Variants in OTULINL observed in about 807,000 individuals in gnomAD.
OTULINL encodes OTU deubiquitinase with linear linkage specificity like, also known as inactive ubiquitin thioesterase OTULINL.
Under a neutral mutation model 43.9 loss-of-function variants are expected in OTULINL, and 42 were observed. The observed-to-expected ratio is 0.96, with a 90% confidence interval of 0.75 to 1.24. The LOEUF (loss-of-function observed/expected upper bound fraction) is 1.24. Among genes scored for constraint, OTULINL ranks in the 50% most tolerant of loss-of-function variants. The pLI is 0.00. For synonymous variants in OTULINL, 172 were observed against 153.6 expected (o/e 1.12, Z -0.88); for missense variants, 411 against 426.4 (o/e 0.96, Z 0.32).
rs536258500 is a variant in OTULINL at position 14,612,991 on chromosome 5, C to T, written c.*2677C>T. On this transcript the variant is annotated 3_prime_UTR_variant, in exon 8 of 8. Coordinates refer to ENST00000274217, the MANE Select transcript of OTULINL (RefSeq NM_019018.3). The stretch of plus-strand genomic sequence containing the variant: ...AGGCTGCAGTGCAGTGGCACAATCT[C>T]GGCTCACTGCAACCTCTACCTCCCA... Among the ~76,000 whole-genome samples the T allele has an allele frequency of 9.5e-4, 144 of 152,194 alleles. No homozygotes were observed. Among genetic ancestry groups the T allele is most frequent in the African/African-American group, 3.0e-3 (126 of 41,500 alleles).
rs927404863 is a variant in OTULINL at position 14,613,950 on chromosome 5, A to G, written c.*3636A>G. Among the ~76,000 whole-genome samples the G allele has an allele frequency of 1.3e-5, 2 of 152,210 alleles. No individual in the cohort carries two copies. The highest frequency in any genetic ancestry group is 2.9e-5 in the Non-Finnish European group (2 of 68,014). On this transcript the variant is annotated 3_prime_UTR_variant, in exon 8 of 8. Coordinates refer to ENST00000274217, the MANE Select transcript of OTULINL (RefSeq NM_019018.3). ...GTGAGACCAAAGAAAGACAATTTTA[A>G]TTGTGTCCAAGCTGACTTTTTTGAA...
At chr5:14,609,079 A>G in intron 7 of OTULINL, 62 bp downstream of exon 7, 2 of 1,543,712 alleles carry the variant, frequency 1.3e-6, no homozygotes, top group Non-Finnish European at 1.8e-6. Flanking sequence ...ATTTGAACAC[A>G]GAGGTGTCTG....
At chr5:14,598,746 A>G (rs1759335282) in intron 1 of OTULINL, among the ~76,000 whole-genome samples, 1 of 152,226 alleles carries the variant, frequency 6.6e-6, no homozygotes, top group South Asian at 2.1e-4. Context: ...CATTTAGGAC[A>G]GTTTATACTG....
chr5:14,600,644 A>G (rs1759367729), intron 1 of OTULINL, among the ~76,000 whole-genome samples: 1 of 152,206 alleles, frequency 6.6e-6, no homozygotes, highest in African/African-American at 2.4e-5. Context: ...TTAGGTTGCC[A>G]TAGTCACACA....
chr5:14,596,667 A>C (rs191775920), intron 1 of OTULINL, among the ~76,000 whole-genome samples: 58 of 152,304 alleles, frequency 3.8e-4, no homozygotes, highest in Non-Finnish European at 8.8e-5. Context: ...AACTTCTGGC[A>C]TCATGTTTTT....
At chr5:14,591,215 G>A (rs532840136) in intron 1 of OTULINL, among the ~76,000 whole-genome samples, 1 of 152,284 alleles carries the variant, frequency 6.6e-6, no homozygotes, top group Non-Finnish European at 1.5e-5. Flanking sequence ...TCCTGCCTGG[G>A]TCTAAAGATC....
intron 1 of OTULINL, 42 bp downstream of exon 1, chr5:14,582,000 A>G: frequency 8.2e-7 from 1 of 1,216,648 alleles, no homozygotes. Flanking sequence ...GGGCGCGAGC[A>G]GGGACCGTCA....
chr5:14,581,972 C>CGGGCG lies in OTULINL; in HGVS notation c.64+28_64+32dup, dbSNP rs1013655166. ...CTCCCGCCGCAGGTGAGCCTGGGGC[C>CGGGCG]GGGCGGGGCGGGGCGGGGGGCGCGA... On this transcript the variant is annotated intron_variant, in intron 1 of 7. Coordinates refer to ENST00000274217, the MANE Select transcript of OTULINL (RefSeq NM_019018.3). The CGGGCG allele has an allele frequency of 4.5e-4, 294 of 656,404 alleles. No homozygotes were observed. Among genetic ancestry groups the CGGGCG allele is most frequent in the African/African-American group, 3.2e-3 (170 of 52,466 alleles). 40.7% of individuals were successfully genotyped at this position (656,404 alleles called of 1,614,324 possible).
rs1452780783 is a variant in OTULINL at position 14,610,270 on chromosome 5, C to T, written c.1027C>T (p.Leu343=). 4.3e-6 allele frequency: 7 copies of T among 1,613,568 alleles called. No individual in the cohort carries two copies. Among genetic ancestry groups the T allele is most frequent in the African/African-American group, 4.0e-5 (3 of 74,896 alleles). The change falls in exon 8 of 8, where the codon CTG becomes TTG. Residue 343 remains leucine, a synonymous_variant. Transcript: ENST00000274217. Reference sequence around the variant, plus strand: ...TCTCAGGGACTGGCCGGAGATCTCCCTGCTGACCGAGAACGACCGCCACTA... The same window carrying T: ...TCTCAGGGACTGGCCGGAGATCTCCTTGCTGACCGAGAACGACCGCCACTA... ...EPLRDWPEIS[L]LTENDRHYHI...
chr5:14,586,787 G>A (rs1283956019), intron 1 of OTULINL, among the ~76,000 whole-genome samples: 2 of 152,086 alleles, frequency 1.3e-5, no homozygotes, highest in African/African-American at 4.8e-5. Flanking sequence ...AGGAGAGGGA[G>A]TGATAATGTA....
intron 5 of OTULINL, among the ~76,000 whole-genome samples, chr5:14,603,174 T>G (rs1759418094): frequency 6.6e-6 from 1 of 152,254 alleles, no homozygotes; most frequent in South Asian, 2.1e-4. Context: ...TTTTTATTGT[T>G]GAGTGGTATT....
At chr5:14,600,836 T>C (rs1759372202) in intron 1 of OTULINL, 129 bp from the exon 2 acceptor site, 4 of 840,960 alleles carry the variant, frequency 4.8e-6, no homozygotes, top group Non-Finnish European at 4.9e-6. Context: ...TTAAAAATAT[T>C]TATGTAAATC....
At position 14,601,130 on chromosome 5, in the gene OTULINL, T is replaced by A; in HGVS notation, c.224+6T>A. 6.2e-7 allele frequency: 1 copy of A among 1,611,562 alleles called. No homozygotes were observed. Among genetic ancestry groups the A allele is most frequent in the Non-Finnish European group, 8.5e-7 (1 of 1,178,848 alleles). ...TCAGGGCACAAGCTGAAATGGTAGG[T>A]CACTGTATCATCCTTAAATTTCAAA... On this transcript the variant is annotated splice_donor_region_variant and intron_variant, in intron 2 of 7. Coordinates refer to ENST00000274217, the MANE Select transcript of OTULINL (RefSeq NM_019018.3).
rs139456064 is a variant in OTULINL, at chr5:14,590,642, C to T, written c.64+8684C>T. On this transcript the variant is annotated intron_variant, in intron 1 of 7. Coordinates refer to ENST00000274217, the MANE Select transcript of OTULINL (RefSeq NM_019018.3). ...CCCATCAGCAAGATCACACTGAACC[C>T]AGGGGGACAAATCTTGACTTCTCAG... is the stretch of plus-strand genomic sequence containing the variant. Among the ~76,000 whole-genome samples, 87 of 152,236 alleles carry T rather than the reference C, an allele frequency of 5.7e-4. 1 individual carries two copies. The East Asian group carries it at 0.016, about 28-fold the overall frequency.
At chr5:14,598,312 T>C (rs1191926918) in intron 1 of OTULINL, among the ~76,000 whole-genome samples, 2 of 152,118 alleles carry the variant, frequency 1.3e-5, no homozygotes, top group Non-Finnish European at 1.5e-5. Context: ...GAAGAAGAGA[T>C]GTGAACAGCC....
intron 6 of OTULINL, among the ~76,000 whole-genome samples, chr5:14,608,087 G>A (rs922602562): frequency 6.6e-6 from 1 of 152,186 alleles, no homozygotes; most frequent in African/African-American, 2.4e-5. Context: ...CTATTCTGTG[G>A]AATATCCTTT....
chr5:14,589,772 A>G (rs1759166834), intron 1 of OTULINL, among the ~76,000 whole-genome samples: 1 of 152,098 alleles, frequency 6.6e-6, no homozygotes, highest in African/African-American at 2.4e-5. Context: ...CCAACATGGT[A>G]AAACCCCTAT....
chr5:14,606,958 G>A (rs965497613), intron 5 of OTULINL, among the ~76,000 whole-genome samples: 2 of 152,228 alleles, frequency 1.3e-5, no homozygotes, highest in Non-Finnish European at 2.9e-5. Context: ...GCCGGGTGCT[G>A]TGGCTCACAC....
chr5:14,581,857 C>CGGGCCG lies in OTULINL; in HGVS notation c.-37_-32dup. On this transcript the variant is annotated 5_prime_UTR_variant, in exon 1 of 8. Coordinates refer to ENST00000274217, the MANE Select transcript of OTULINL (RefSeq NM_019018.3). ...GCGTCTGACAGACCACTGCAGACCA[C>CGGGCCG]GGGCCGAGGCCCAGCGCCCGTCCGC... 2.2e-6 allele frequency: 3 copies of CGGGCCG among 1,382,370 alleles called. No homozygotes were observed. Among genetic ancestry groups the CGGGCCG allele is most frequent in the South Asian group, 1.5e-5 (1 of 65,514 alleles). 85.6% of individuals were successfully genotyped at this position (1,382,370 alleles called of 1,614,324 possible). A position where few individuals can be genotyped will look rare whatever the true frequency, so the allele number is the denominator to read the frequency against.
Sources: allele counts gnomAD v4.1 joint callset (sites outside exome capture counted in the v4.1 genomes callset), GRCh38; gene constraint gnomAD v4.1.1; transcripts MANE v1.5; gene names NCBI Gene and HGNC (gene_info 2026-07-23, HGNC 2026-07-21).